The following TJP2 variants were observed in gnomAD, a reference collection of about 807,000 sequenced individuals.
The protein encoded by TJP2 is Friedreich ataxia region gene X104 (tight junction protein ZO-2).
TJP2 carries 91 observed loss-of-function variants against 133.1 expected under a neutral mutation model. The ratio of observed to expected loss-of-function variants is 0.68; its 90% CI spans 0.58 to 0.81. The LOEUF (loss-of-function observed/expected upper bound fraction) is 0.81. TJP2 is among the 40% of genes least tolerant of loss of function. The pLI, the probability that TJP2 is intolerant of heterozygous loss-of-function variation, is 0.00. For synonymous variants in TJP2, 592 were observed against 583.4 expected (o/e 1.01, Z -0.21); for missense variants, 1,541 against 1,565.6 (o/e 0.98, Z 0.26).
At chr9:69,213,339 GCGTGAGCCAC>G (rs1032719028) in intron 2 of TJP2, among the ~76,000 whole-genome samples, 1 of 152,168 alleles carries the variant, frequency 6.6e-6, no homozygotes, top group African/African-American at 2.4e-5. Context: ...TGGGTTGCAG[GCGTGAGCCAC>G]CGTGCCCAGA....
chr9:69,175,484 C>T (rs1825015144), intron 1 of TJP2, among the ~76,000 whole-genome samples: 1 of 152,214 alleles, frequency 6.6e-6, no homozygotes, highest in Non-Finnish European at 1.5e-5. Flanking sequence ...CACACCTGGG[C>T]AGGAGATCGC....
At chr9:69,184,750 TTC>T (rs1491256461) in intron 1 of TJP2, among the ~76,000 whole-genome samples, 2 of 122,522 alleles carry the variant, frequency 1.6e-5, no homozygotes, top group Non-Finnish European at 3.6e-5. Context: ...TCTCTCTCTC[TTC>T]TTTTTTTTTT....
intron 2 of TJP2, among the ~76,000 whole-genome samples, chr9:69,215,690 GT>G (rs11427491): frequency 3.1e-3 from 457 of 147,628 alleles, no homozygotes; most frequent in African/African-American, 0.01. Flanking sequence ...TAGGCAGAAG[GT>G]TTTTTTTTTT....
chr9:69,137,585 A>G (rs899079401), intron 1 of TJP2, among the ~76,000 whole-genome samples: 2 of 151,700 alleles, frequency 1.3e-5, no homozygotes, highest in African/African-American at 4.8e-5. Context: ...GCTGGTCTCG[A>G]ACTCCTGGGC....
At chr9:69,131,661 G>A (rs137994872) in intron 1 of TJP2, among the ~76,000 whole-genome samples, 91 of 152,286 alleles carry the variant, frequency 6.0e-4, no homozygotes, top group African/African-American at 2.1e-3. Flanking sequence ...ACTGCCTGGT[G>A]ACTTGCTGTA....
chr9:69,223,218 A>G (rs1829044686), intron 5 of TJP2, among the ~76,000 whole-genome samples: 1 of 152,194 alleles, frequency 6.6e-6, no homozygotes, highest in African/African-American at 2.4e-5. Context: ...TTTCTGCTCT[A>G]TGCAAGGGCT....
chr9:69,187,859 G>C (rs923279745), intron 1 of TJP2, among the ~76,000 whole-genome samples: 3 of 152,194 alleles, frequency 2.0e-5, no homozygotes, highest in African/African-American at 7.2e-5. Flanking sequence ...AGTCTCAAAA[G>C]ACTGGAATGT....
At chr9:69,240,504 A>G in intron 17 of TJP2, among the ~76,000 whole-genome samples, 1 of 152,222 alleles carries the variant, frequency 6.6e-6, no homozygotes, top group Admixed American at 6.5e-5. Context: ...ACATGCATTA[A>G]CTTACAAAGC....
At chr9:69,221,575 C>G in intron 5 of TJP2, 79 bp downstream of exon 5, 3 of 1,523,378 alleles carry the variant, frequency 2.0e-6, no homozygotes, top group Non-Finnish European at 2.7e-6. Flanking sequence ...TTTTTTCCCC[C>G]GAAAGTGTTG....
At chr9:69,173,706 G>C (rs894488659), upstream of TJP2, among the ~76,000 whole-genome samples, 4 of 152,170 alleles carry the variant, frequency 2.6e-5, no homozygotes, top group African/African-American at 9.7e-5. Flanking sequence ...CTAAAACTTT[G>C]AGGTTTTCCC....
intron 1 of TJP2, among the ~76,000 whole-genome samples, chr9:69,132,344 G>A (rs7850573): frequency 0.45 from 69,129 of 152,034 alleles, 15,825 homozygotes; most frequent in East Asian, 0.61. Flanking sequence ...TTGTAAGTGG[G>A]TCTTTCAAAG....
rs767665295 is a variant in TJP2 at position 69,225,352 on chromosome 9, G to A, written c.1001G>A (p.Arg334Gln). The A allele has an allele frequency of 3.4e-5, 55 of 1,613,752 alleles. 1 individual carries two copies. Among genetic ancestry groups the A allele is most frequent in the South Asian group, 1.6e-4 (15 of 91,024 alleles). The stretch of plus-strand genomic sequence containing the variant: ...CAGATCTTCGTAAAGGAAATGACCC[G>A]AACGGGTCTGGCAACTAAAGATGGC... ...GSQIFVKEMT[R>Q]TGLATKDGNL... is the part of the protein sequence containing the mutation. Residue 334 changes from arginine to glutamine, a missense_variant, in exon 6 of 23, where the codon CGA becomes CAA. Arg to Gln is a conservative substitution (Grantham distance 43). Transcript: ENST00000377245.
At chr9:69,223,444 A>T (rs1310201060) in intron 5 of TJP2, among the ~76,000 whole-genome samples, 3 of 152,136 alleles carry the variant, frequency 2.0e-5, no homozygotes, top group Non-Finnish European at 4.4e-5. Flanking sequence ...AGTAGCTGGG[A>T]CTGTAGGCGC....
chr9:69,162,101 GTATTA>G (rs1415440015), intron 2 of TJP2, among the ~76,000 whole-genome samples: 1 of 147,462 alleles, frequency 6.8e-6, no homozygotes, highest in Non-Finnish European at 1.5e-5. Context: ...TTATAAAATT[GTATTA>G]TATAATAAAT....
intron 1 of TJP2, among the ~76,000 whole-genome samples, chr9:69,140,271 A>G (rs1822963075): frequency 6.6e-6 from 1 of 152,200 alleles, no homozygotes; most frequent in African/African-American, 2.4e-5. Context: ...ACATGTGCTC[A>G]GTGCTTTCCA....
intron 1 of TJP2, among the ~76,000 whole-genome samples, chr9:69,174,906 GT>G (rs1466008078): frequency 5.2e-4 from 52 of 99,572 alleles, no homozygotes; most frequent in African/African-American, 1.9e-3. Flanking sequence ...AGAAGTAAAA[GT>G]TGTTTTTTTT....
At chr9:69,247,579 G>A (rs1479759081) in intron 18 of TJP2, among the ~76,000 whole-genome samples, 1 of 152,140 alleles carries the variant, frequency 6.6e-6, no homozygotes, top group East Asian at 1.9e-4. Flanking sequence ...GGGAGGACAG[G>A]TTGAACAGGA....
At chr9:69,131,604 G>C (rs956037325) in intron 1 of TJP2, among the ~76,000 whole-genome samples, 9 of 152,226 alleles carry the variant, frequency 5.9e-5, no homozygotes, top group African/African-American at 2.2e-4. Flanking sequence ...TGGGGCATCT[G>C]TTGTTAGTAG....
intron 2 of TJP2, among the ~76,000 whole-genome samples, chr9:69,155,505 G>C (rs1206128045): frequency 6.6e-6 from 1 of 152,220 alleles, no homozygotes; most frequent in East Asian, 1.9e-4. Context: ...TTCTGCTTCA[G>C]GCAGTCTGGG....
Sources: allele counts gnomAD v4.1 joint callset (sites outside exome capture counted in the v4.1 genomes callset), GRCh38; gene constraint gnomAD v4.1.1; transcripts MANE v1.5; gene names NCBI Gene and HGNC (gene_info 2026-07-23, HGNC 2026-07-21).